Variants in SIRPB1 observed in about 807,000 individuals in gnomAD.
The protein encoded by SIRPB1 is signal regulatory protein beta 1, also known as signal-regulatory protein beta-1.
Under a neutral mutation model 34.1 loss-of-function variants are expected in SIRPB1, and 28 were observed. That is an observed-to-expected ratio of 0.82 (90% CI 0.61 to 1.12). The LOEUF is 1.12. Among genes scored for constraint, SIRPB1 ranks in the 50% most tolerant of loss-of-function variants. The probability of loss-of-function intolerance (pLI) is 0.00; values close to 1 mark genes in which losing one functional copy is unlikely to be tolerated. For synonymous variants in SIRPB1, 211 were observed against 203.8 expected (o/e 1.04, Z -0.30); for missense variants, 499 against 507.0 (o/e 0.98, Z 0.15).
intron 2 of SIRPB1, among the ~76,000 whole-genome samples, chr20:1,577,830 G>C (rs2091338828): frequency 6.8e-6 from 1 of 147,188 alleles, no homozygotes; most frequent in East Asian, 1.9e-4. Context: ...CTCCTCATTA[G>C]AAGGGAAGAG....
intron 2 of SIRPB1, among the ~76,000 whole-genome samples, chr20:1,576,671 C>A (rs2091314834): frequency 6.7e-6 from 1 of 148,464 alleles, no homozygotes. Context: ...GTTTGGGAGG[C>A]TGAGGCGGGT....
chr20:1,606,102 A>G lies in SIRPB1; in HGVS notation c.76+13767T>C, dbSNP rs2091510391. ...ATTCAGGGTTTCACTGACTCAGTGT[A>G]CCCAAATTGCACCTCTTTATCTTTC... On this transcript the variant is annotated intron_variant, in intron 1 of 5. Coordinates refer to ENST00000381605, the MANE Select transcript of SIRPB1 (RefSeq NM_006065.5). 3.1e-5 allele frequency among the ~76,000 whole-genome samples: 2 copies of G among 63,548 alleles called. 1 individual carries two copies. The highest frequency in any genetic ancestry group is 5.7e-5 in the Non-Finnish European group (2 of 34,946). The allele number at this position is 63,548 out of a possible 152,430, so 41.7% of individuals were successfully genotyped here.
At chr20:1,616,898 A>G (rs2091637970) in intron 1 of SIRPB1, among the ~76,000 whole-genome samples, 2 of 152,210 alleles carry the variant, frequency 1.3e-5, no homozygotes, top group Non-Finnish European at 2.9e-5. Context: ...CTTAAAACCC[A>G]TTTCTCAAAA....
rs1404076966 is a variant in SIRPB1 at position 1,572,054 on chromosome 20, G to A, written c.434-17C>T. The A allele has an allele frequency of 9.9e-6, 16 of 1,613,780 alleles. No homozygotes were observed. The highest frequency in any genetic ancestry group is 1.7e-5 in the Admixed American group (1 of 60,002). ...AGGGTTTGGCTACAAAAGGACCATC[G>A]ATAATCAGGAGACATGACTCAGATG... On this transcript the variant is annotated splice_polypyrimidine_tract_variant and intron_variant, in intron 2 of 5. Transcript: ENST00000381605.
At chr20:1,565,744 C>G (rs1406586130) in intron 5 of SIRPB1, among the ~76,000 whole-genome samples, 1 of 150,798 alleles carries the variant, frequency 6.6e-6, no homozygotes, top group African/African-American at 2.5e-5. Flanking sequence ...AGAGCAGGAA[C>G]AGCCCTCAGA....
In SIRPB1 at chr20:1,593,932, C is replaced by G. The variant is rs1427057023; in HGVS notation, c.77-15238G>C. The stretch of plus-strand genomic sequence containing the variant: ...CAAAATTGATGCAATAGGCCAGGTG[C>G]GGTGGCTCACACTTGTAACCCCAAC... On this transcript the variant is annotated intron_variant, in intron 1 of 5. Coordinates refer to ENST00000381605, the MANE Select transcript of SIRPB1 (RefSeq NM_006065.5). Among the ~76,000 whole-genome samples the G allele has an allele frequency of 4.1e-5, 2 of 48,360 alleles. 1 individual carries two copies. Among genetic ancestry groups the G allele is most frequent in the Admixed American group, 2.8e-4 (2 of 7,212 alleles). 31.7% of individuals were successfully genotyped at this position (48,360 alleles called of 152,430 possible). A position where few individuals can be genotyped will look rare whatever the true frequency, so the allele number is the denominator to read the frequency against.
At chr20:1,567,531 A>C (rs781249985) in intron 4 of SIRPB1, among the ~76,000 whole-genome samples, 14 of 152,186 alleles carry the variant, frequency 9.2e-5, no homozygotes, top group Non-Finnish European at 1.9e-4. Flanking sequence ...TCCCAGAGAA[A>C]CTGTCCTTGG....
intron 1 of SIRPB1, among the ~76,000 whole-genome samples, chr20:1,589,097 T>C (rs2091434363): frequency 4.1e-5 from 2 of 48,952 alleles, no homozygotes; most frequent in Admixed American, 2.7e-4. Flanking sequence ...ACAGGAGGGA[T>C]CGCAGGAGCC....
In SIRPB1 at chr20:1,570,852, AG is replaced by A; in HGVS notation, c.1036del (p.Leu346TrpfsTer28). The A allele has an allele frequency of 1.9e-6, 3 of 1,614,210 alleles. No homozygotes were observed. The highest frequency in any genetic ancestry group is 1.3e-5 in the African/African-American group (1 of 75,056). On this transcript the variant is annotated frameshift_variant, in exon 4 of 6. Transcript: ENST00000381605. LOFTEE classifies it high-confidence loss of function. ...GQQAVSKSYA[L>X]EISAHQKEHG... ...CTCCTTCTGGTGCGCTGAGATCTCC[AG>A]GGCATAGCTTTTGCTGACTGCTTGC... is the stretch of plus-strand genomic sequence containing the variant.
At position 1,619,838 on chromosome 20, in the gene SIRPB1, A is replaced by G. The variant is rs2091682896; in HGVS notation, c.76+31T>C. On this transcript the variant is annotated intron_variant, in intron 1 of 5. Transcript: ENST00000381605. ...GACAGGCCATGGCTCAGTGGGCAGG[A>G]AAAAAGATTTTAACCGAAGGCAGTG... is the stretch of plus-strand genomic sequence containing the variant. The G allele has an allele frequency of 1.0e-5, 16 of 1,539,188 alleles. No individual in the cohort carries two copies. In the East Asian group the frequency reaches 3.4e-4, roughly 32 times the overall value.
chr20:1,578,426 G>A lies in SIRPB1; in HGVS notation c.345C>T (p.Ala115=), dbSNP rs752258051. The part of the protein sequence containing the change: ...ISISNITPAD[A]GTYYCVKFRK... ...GGAACTTCACACAGTAGTAGGTGCC[G>A]GCGTCTGCTGGGGTGATGTTACTGA... Residue 115 remains alanine, a synonymous_variant, in exon 2 of 6, where the codon GCC becomes GCT. Coordinates refer to ENST00000381605, the MANE Select transcript of SIRPB1 (RefSeq NM_006065.5). The A allele has an allele frequency of 1.2e-5, 19 of 1,584,994 alleles. 1 individual carries two copies. The highest frequency in any genetic ancestry group is 1.7e-4 in the Middle Eastern group (1 of 5,884).
At position 1,562,026 on chromosome 20, in the gene SIRPB1, T is replaced by C. The variant is rs1356669294; in HGVS notation, c.*3474A>G. Among the ~76,000 whole-genome samples the C allele has an allele frequency of 5.9e-5, 9 of 152,222 alleles. No individual in the cohort carries two copies. Among genetic ancestry groups the C allele is most frequent in the Non-Finnish European group, 1.5e-5 (1 of 68,038 alleles). On this transcript the variant is annotated 3_prime_UTR_variant, in exon 6 of 6. Transcript: ENST00000381605. ...ATGGACTCAGATATTTATTTTATAC[T>C]TTGGACTATAACTCATTACTACTTT... is the stretch of plus-strand genomic sequence containing the variant.
chr20:1,566,137 C>G lies in SIRPB1; in HGVS notation c.*2+16G>C. On this transcript the variant is annotated intron_variant, in intron 5 of 5. Transcript: ENST00000381605. ...CTGGAGGAGCCCTTGGTCAGTCCTCCCTCTCCTAAACTTACAGTCAGGCCT... is the reference window on the plus strand; with the variant it reads ...CTGGAGGAGCCCTTGGTCAGTCCTCGCTCTCCTAAACTTACAGTCAGGCCT... The G allele has an allele frequency of 6.5e-7, 1 of 1,549,490 alleles. No homozygotes were observed. The highest frequency in any genetic ancestry group is 8.8e-7 in the Non-Finnish European group (1 of 1,131,594).
In SIRPB1 at chr20:1,611,448, A is replaced by G. The variant is rs45573839; in HGVS notation, c.76+8421T>C. The G allele has an allele frequency of 2.5e-5, 26 of 1,031,416 alleles. 9 individuals are homozygous for G. Among genetic ancestry groups the G allele is most frequent in the African/African-American group, 2.0e-4 (5 of 24,608 alleles). 63.9% of individuals were successfully genotyped at this position (1,031,416 alleles called of 1,614,324 possible). On this transcript the variant is annotated intron_variant, in intron 1 of 5. Transcript: ENST00000381605. Reference sequence around the variant, plus strand: ...ACTTCACACAGTAGTAGGTGCCGGCATCTGCTGGGGTGATGTTACTGATGC... The same window carrying G: ...ACTTCACACAGTAGTAGGTGCCGGCGTCTGCTGGGGTGATGTTACTGATGC...
In SIRPB1 at chr20:1,566,089, G is replaced by T. The variant is rs1282256573; in HGVS notation, c.*2+64C>A. 1.0e-5 allele frequency: 10 copies of T among 990,816 alleles called. No individual in the cohort carries two copies. The East Asian group carries it at 2.5e-4, about 25-fold the overall frequency. 61.4% of individuals were successfully genotyped at this position (990,816 alleles called of 1,614,324 possible). On this transcript the variant is annotated intron_variant, in intron 5 of 5. Transcript: ENST00000381605. ...TGAAGCTGCATGGCATGTGAGCTGG[G>T]CCCTCCTGCTGGCCTTGCCTTTCTG...
chr20:1,577,873 G>C (rs2095487806), intron 2 of SIRPB1, among the ~76,000 whole-genome samples: 1 of 147,838 alleles, frequency 6.8e-6, no homozygotes, highest in South Asian at 2.1e-4. Context: ...GCTTTAGGCT[G>C]TTTCATTCAC....
rs1213898625 is a variant in SIRPB1 at position 1,561,598 on chromosome 20, T to C, written c.*3902A>G. Among the ~76,000 whole-genome samples the C allele has an allele frequency of 2.0e-5, 3 of 152,156 alleles. No homozygotes were observed. Among genetic ancestry groups the C allele is most frequent in the Non-Finnish European group, 4.4e-5 (3 of 68,020 alleles). ...CCCGATGTTGCAGAATGCCTCCTTATTGAAATTTGTCTGATGTTTTCCTCA... is the reference window on the plus strand; with the variant it reads ...CCCGATGTTGCAGAATGCCTCCTTACTGAAATTTGTCTGATGTTTTCCTCA... On this transcript the variant is annotated 3_prime_UTR_variant, in exon 6 of 6. Coordinates refer to ENST00000381605, the MANE Select transcript of SIRPB1 (RefSeq NM_006065.5).
chr20:1,609,710 G>A lies in SIRPB1; in HGVS notation c.76+10159C>T, dbSNP rs1249225648. Among the ~76,000 whole-genome samples the A allele has an allele frequency of 7.7e-4, 56 of 72,836 alleles. 25 individuals are homozygous for A. Among genetic ancestry groups the A allele is most frequent in the African/African-American group, 4.6e-3 (53 of 11,546 alleles). 47.8% of individuals were successfully genotyped at this position (72,836 alleles called of 152,430 possible). On this transcript the variant is annotated intron_variant, in intron 1 of 5. Transcript: ENST00000381605. ...GCACTCTGGGAGGCTAAAGTGGGTG[G>A]ATCACCTGAGGTTGAGAGTTTGAGA...
rs1236049110 is a variant in SIRPB1 at position 1,562,897 on chromosome 20, G to A, written c.*2603C>T. Among the ~76,000 whole-genome samples, 18 of 152,212 alleles carry A rather than the reference G, an allele frequency of 1.2e-4. No individual in the cohort carries two copies. Among genetic ancestry groups the A allele is most frequent in the Non-Finnish European group, 4.4e-5 (3 of 68,038 alleles). On this transcript the variant is annotated 3_prime_UTR_variant, in exon 6 of 6. Transcript: ENST00000381605. ...GAAATGAGAAGTGAAAATGCTGCAAGTGAGGTTCAAATTGAATGTGAGTGG... is the reference window on the plus strand; with the variant it reads ...GAAATGAGAAGTGAAAATGCTGCAAATGAGGTTCAAATTGAATGTGAGTGG...
Sources: allele counts gnomAD v4.1 joint callset (sites outside exome capture counted in the v4.1 genomes callset), GRCh38; gene constraint gnomAD v4.1.1; transcripts MANE v1.5; gene names NCBI Gene and HGNC (gene_info 2026-07-23, HGNC 2026-07-21).